Variants in SGMS1 observed in about 807,000 individuals in gnomAD.
SGMS1 encodes the protein sphingomyelin synthase 1, also known as phosphatidylcholine:ceramide cholinephosphotransferase 1.
A neutral mutation model predicts 46.2 loss-of-function variants in SGMS1; 13 were observed. The ratio of observed to expected loss-of-function variants is 0.28; its 90% CI spans 0.18 to 0.45. The LOEUF (loss-of-function observed/expected upper bound fraction) is 0.45. Among genes scored for constraint, SGMS1 ranks in the 20% least tolerant of loss-of-function variants. The pLI, the probability that SGMS1 is intolerant of heterozygous loss-of-function variation, is 1.00. For missense variants in SGMS1, 324 were observed against 519.9 expected, an observed-to-expected ratio of 0.62 and a Z score of 3.66; for synonymous variants, 203 against 187.8, an observed-to-expected ratio of 1.08 and a Z score of -0.66.
chr10:50,383,632 T>A (rs2133482767), intron 6 of SGMS1, among the ~76,000 whole-genome samples: 1 of 152,280 alleles, frequency 6.6e-6, no homozygotes, highest in East Asian at 1.9e-4. Context: ...TTTTCCTTGG[T>A]TAAACAAAAA....
At chr10:50,342,069 A>C (rs1043587174) in intron 7 of SGMS1, 1 of 152,230 alleles carries the variant, frequency 6.6e-6, no homozygotes, top group South Asian at 2.1e-4. Context: ...AAAACAACAA[A>C]TATCAGGGAA....
chr10:50,483,578 A>G (rs1378014082), intron 3 of SGMS1, among the ~76,000 whole-genome samples: 2 of 152,186 alleles, frequency 1.3e-5, no homozygotes, highest in Non-Finnish European at 2.9e-5. Context: ...CCCCAAAACA[A>G]AAGAATATAC....
intron 2 of SGMS1, among the ~76,000 whole-genome samples, chr10:50,574,052 T>C (rs577889801): frequency 2.6e-5 from 4 of 152,272 alleles, no homozygotes; most frequent in Admixed American, 6.5e-5. Context: ...GTACATAAGA[T>C]CTGAAACTAT....
chr10:50,566,678 C>T (rs1357271494), intron 2 of SGMS1, among the ~76,000 whole-genome samples: 2 of 152,168 alleles, frequency 1.3e-5, no homozygotes, highest in Non-Finnish European at 2.9e-5. Context: ...TAGAAAACAG[C>T]AACCATTTTG....
At chr10:50,368,788 T>C (rs1435289149) in intron 6 of SGMS1, among the ~76,000 whole-genome samples, 1 of 152,220 alleles carries the variant, frequency 6.6e-6, no homozygotes, top group East Asian at 1.9e-4. Flanking sequence ...AGTTTTCAAA[T>C]TAGTTAACCA....
intron 6 of SGMS1, among the ~76,000 whole-genome samples, chr10:50,361,073 G>C (rs868210508): frequency 1.3e-4 from 20 of 152,298 alleles, no homozygotes; most frequent in African/African-American, 4.1e-4. Flanking sequence ...TTCTTCTGGG[G>C]AGTAAGAAAG....
At chr10:50,605,297 C>T (rs956941067) in intron 1 of SGMS1, among the ~76,000 whole-genome samples, 1 of 152,210 alleles carries the variant, frequency 6.6e-6, no homozygotes, top group Non-Finnish European at 1.5e-5. Context: ...GCCCCACTTC[C>T]AAACAGAATG....
chr10:50,455,932 T>C (rs1837185628), intron 5 of SGMS1, among the ~76,000 whole-genome samples: 1 of 152,060 alleles, frequency 6.6e-6, no homozygotes, highest in East Asian at 1.9e-4. Flanking sequence ...CTCTTTCATC[T>C]CTCCTAACCC....
intron 2 of SGMS1, among the ~76,000 whole-genome samples, chr10:50,536,573 C>T (rs773873481): frequency 3.9e-4 from 60 of 152,130 alleles, no homozygotes; most frequent in East Asian, 1.9e-4. Flanking sequence ...ATTTTATGTA[C>T]AGCACTAAAG....
At chr10:50,390,882 C>T (rs10763392) in intron 6 of SGMS1, among the ~76,000 whole-genome samples, 52,681 of 151,924 alleles carry the variant, frequency 0.35, 9,214 homozygotes, top group Admixed American at 0.41. Flanking sequence ...CACCAGCATA[C>T]CCAAATAAAA....
intron 3 of SGMS1, among the ~76,000 whole-genome samples, chr10:50,508,881 G>A (rs568176610): frequency 2.0e-5 from 3 of 152,300 alleles, no homozygotes; most frequent in African/African-American, 7.2e-5. Context: ...CTCCCCTGTT[G>A]CTGAAGTTTA....
chr10:50,370,267 T>C (rs996345583), intron 6 of SGMS1, among the ~76,000 whole-genome samples: 2 of 152,128 alleles, frequency 1.3e-5, no homozygotes, highest in African/African-American at 4.8e-5. Context: ...TACTGTAACA[T>C]TTTACCTTAT....
intron 5 of SGMS1, among the ~76,000 whole-genome samples, chr10:50,437,963 C>T (rs987830589): frequency 6.6e-6 from 1 of 152,194 alleles, no homozygotes; most frequent in Admixed American, 6.5e-5. Context: ...TTCCTGCTAC[C>T]TTTTCATTGC....
In SGMS1 at chr10:50,314,388, C is replaced by T. The variant is rs554222666; in HGVS notation, c.742-2973G>A. Among the ~76,000 whole-genome samples, 3 of 152,202 alleles carry T rather than the reference C, an allele frequency of 2.0e-5. No individual in the cohort carries two copies. In the East Asian group the frequency reaches 5.8e-4, roughly 29 times the overall value. On this transcript the variant is annotated intron_variant, in intron 8 of 10. Coordinates refer to ENST00000361781, the MANE Select transcript of SGMS1 (RefSeq NM_147156.4). ...ATCTGCGGGTAAAATCACAGCTCTT[C>T]GAATGATTTGCTGTGTGACCTTATA... is the stretch of plus-strand genomic sequence containing the variant.
At chr10:50,454,304 G>A (rs960909337) in intron 5 of SGMS1, among the ~76,000 whole-genome samples, 1 of 152,008 alleles carries the variant, frequency 6.6e-6, no homozygotes, top group Non-Finnish European at 1.5e-5. Flanking sequence ...GAAGGGAATA[G>A]AACTATGAAT....
intron 6 of SGMS1, among the ~76,000 whole-genome samples, chr10:50,355,262 C>T (rs1333196518): frequency 1.3e-5 from 2 of 152,072 alleles, no homozygotes; most frequent in East Asian, 1.9e-4. Context: ...ACTATGCAAC[C>T]ATAAAAAATG....
At chr10:50,340,311 T>G (rs540748706) in intron 7 of SGMS1, 34 of 152,330 alleles carry the variant, frequency 2.2e-4, no homozygotes, top group African/African-American at 6.7e-4. Flanking sequence ...GCATGAAAAA[T>G]CCTTACATCT....
chr10:50,513,340 C>G (rs916311966), intron 3 of SGMS1, among the ~76,000 whole-genome samples: 2 of 152,144 alleles, frequency 1.3e-5, no homozygotes, highest in African/African-American at 2.4e-5. Flanking sequence ...GGAAAGGTCA[C>G]CAGACACTGG....
chr10:50,349,269 A>C (rs1233435996), intron 6 of SGMS1, among the ~76,000 whole-genome samples: 1 of 152,220 alleles, frequency 6.6e-6, no homozygotes, highest in Non-Finnish European at 1.5e-5. Flanking sequence ...TTTAGTCTTT[A>C]AGGTCCTTCT....
Sources: allele counts gnomAD v4.1 joint callset (sites outside exome capture counted in the v4.1 genomes callset), GRCh38; gene constraint gnomAD v4.1.1; transcripts MANE v1.5; gene names NCBI Gene and HGNC (gene_info 2026-07-23, HGNC 2026-07-21).